Variants in KCNH3 observed in about 807,000 individuals in gnomAD.
KCNH3 encodes the protein voltage-gated inwardly rectifying potassium channel KCNH3.
A neutral mutation model predicts 95.6 loss-of-function variants in KCNH3; 36 were observed. The observed-to-expected ratio is 0.38, with a 90% CI of 0.29 to 0.50. KCNH3 has a LOEUF of 0.50. Ranked by LOEUF, KCNH3 falls within the 20% of genes least tolerant of loss-of-function variation. KCNH3 has a pLI of 0.95. For missense variants in KCNH3, 1,030 were observed against 1,484.1 expected (o/e 0.69, Z 5.03); for synonymous variants, 620 against 646.3 (o/e 0.96, Z 0.62).
intron 10 of KCNH3, among the ~76,000 whole-genome samples, chr12:49,551,574 C>CAAAAAAAAAAAAAAAAAAA (rs59344956): frequency 1.7e-5 from 1 of 57,556 alleles, no homozygotes; most frequent in Non-Finnish European, 3.8e-5. Flanking sequence ...GACTCTGTCT[C>CAAAAAAAAAAAAAAAAAAA]AAAAAAAAAA....
intron 13 of KCNH3, 131 bp from the exon 14 acceptor site, chr12:49,557,052 G>A (rs2138172525): frequency 1.1e-6 from 1 of 896,666 alleles, no homozygotes; most frequent in South Asian, 1.6e-5. Context: ...CTTGGGCAAG[G>A]CCAGAAGAGA....
chr12:49,544,141 T>A, intron 6 of KCNH3, 34 bp from the exon 7 acceptor site: 2 of 1,413,420 alleles, frequency 1.4e-6, no homozygotes, highest in Non-Finnish European at 1.9e-6. Context: ...CCCGCTGACC[T>A]CCCTCCCTCC....
chr12:49,544,196 A>T lies in KCNH3; in HGVS notation c.1003A>T (p.Lys335Ter). The change falls in exon 7 of 15, where the codon AAG becomes TAG. Residue 335 changes from lysine (K) to a stop codon, truncating the protein, a stop_gained. Transcript: ENST00000257981. LOFTEE classifies it high-confidence loss of function. ...VNVYFGAHLLKTVRLLRLLRL... is the reference protein window; with the variant it reads ...VNVYFGAHLL ...TCAGTACTTCGGGGCCCATCTGCTG[A>T]AGACGGTGCGCCTGCTGCGCCTGCT... 1 of 1,434,768 alleles carries T rather than the reference A, an allele frequency of 7.0e-7. No homozygotes were observed. The highest frequency in any genetic ancestry group is 9.3e-7 in the Non-Finnish European group (1 of 1,077,526). The allele number at this position is 1,434,768 out of a possible 1,614,324, so 88.9% of individuals were successfully genotyped here. A position where few individuals can be genotyped will look rare whatever the true frequency, so the allele number is the denominator to read the frequency against.
At chr12:49,543,179 A>T (rs879427864) in intron 4 of KCNH3, 96 bp from the exon 5 acceptor site, 64 of 1,332,056 alleles carry the variant, frequency 4.8e-5, no homozygotes, top group Middle Eastern at 1.8e-4. Flanking sequence ...TAATGCAGGG[A>T]TAGAAAGGAG....
At chr12:49,551,264 TG>T (rs984400642) in intron 10 of KCNH3, among the ~76,000 whole-genome samples, 3 of 151,994 alleles carry the variant, frequency 2.0e-5, no homozygotes, top group African/African-American at 7.2e-5. Context: ...CAGGGAAACA[TG>T]GGGCTGTGTC....
At chr12:49,554,833 C>A (rs1202283304) in intron 11 of KCNH3, among the ~76,000 whole-genome samples, 1 of 152,128 alleles carries the variant, frequency 6.6e-6, no homozygotes, top group East Asian at 1.9e-4. Flanking sequence ...AGTGCTGGCA[C>A]AGGGAGGGGT....
intron 7 of KCNH3, 126 bp downstream of exon 7, chr12:49,544,508 A>AGGGTGTG: frequency 1.1e-6 from 1 of 915,950 alleles, no homozygotes; most frequent in Admixed American, 2.0e-5. Context: ...ATCAGAGAAG[A>AGGGTGTG]GGGTGTGCAG....
At chr12:49,540,342 G>A (rs752293377) in intron 1 of KCNH3, among the ~76,000 whole-genome samples, 62 of 152,136 alleles carry the variant, frequency 4.1e-4, no homozygotes, top group Non-Finnish European at 6.6e-4. Context: ...CCTGGCTCCC[G>A]TGCTCAGTCA....
intron 7 of KCNH3, among the ~76,000 whole-genome samples, chr12:49,544,953 C>A (rs1475343705): frequency 5.3e-5 from 8 of 152,146 alleles, no homozygotes; most frequent in African/African-American, 1.9e-4. Flanking sequence ...TGCTCACCAC[C>A]CACTCACATC....
Position 49,549,422 on chromosome 12 carries a change from T to C in KCNH3, c.1469-19T>C, listed in dbSNP as rs971915320. The C allele has an allele frequency of 1.6e-5, 26 of 1,611,792 alleles. No homozygotes were observed. The highest frequency in any genetic ancestry group is 2.2e-5 in the Non-Finnish European group (26 of 1,178,912). On this transcript the variant is annotated intron_variant, in intron 8 of 14. Coordinates refer to ENST00000257981, the MANE Select transcript of KCNH3 (RefSeq NM_012284.3). Reference sequence around the variant, plus strand: ...GGGCCAGGTCCCCTAGGTGACCCCCTCTCGTCACCCTCCCCCAGCCCTGAT... The same window carrying C: ...GGGCCAGGTCCCCTAGGTGACCCCCCCTCGTCACCCTCCCCCAGCCCTGAT...
Position 49,550,061 on chromosome 12 carries a change from C to CCCCCCGGG in KCNH3, c.1669-19_1669-18insCCCCCGGG. On this transcript the variant is annotated intron_variant, in intron 9 of 14. Transcript: ENST00000257981. ...CTGCCACTCCCAACCCCCCCACCCCCGCACCTGCTCACCTGCAGCTGCTGC... is the reference window on the plus strand; with the variant it reads ...CTGCCACTCCCAACCCCCCCACCCCCCCCCCGGGGCACCTGCTCACCTGCAGCTGCTGC... 1 of 1,556,700 alleles carries CCCCCCGGG rather than the reference C, an allele frequency of 6.4e-7. No individual in the cohort carries two copies. Among genetic ancestry groups the CCCCCCGGG allele is most frequent in the Non-Finnish European group, 8.7e-7 (1 of 1,148,694 alleles).
At chr12:49,556,559 TCAATGTTAGAGAA>T in intron 13 of KCNH3, 83 bp downstream of exon 13, 2 of 994,436 alleles carry the variant, frequency 2.0e-6, no homozygotes, top group Non-Finnish European at 3.2e-6. Flanking sequence ...CTCTGAGCCT[TCAATGTTAGAGAA>T]ACTGGCAGAC....
chr12:49,542,868 AG>A, intron 4 of KCNH3, 29 bp downstream of exon 4: 1 of 1,600,852 alleles, frequency 6.2e-7, no homozygotes, highest in Non-Finnish European at 8.5e-7. Context: ...TGTGTGGGAG[AG>A]GGGAGGGGCA....
intron 7 of KCNH3, 34 bp downstream of exon 7, chr12:49,544,416 G>C (rs751780101): frequency 1.2e-6 from 2 of 1,604,468 alleles, no homozygotes; most frequent in Non-Finnish European, 1.7e-6. Flanking sequence ...TGGTGGGGAG[G>C]GAGTTGTGTC....
chr12:49,546,448 G>A (rs941307637), intron 7 of KCNH3, among the ~76,000 whole-genome samples: 8 of 152,004 alleles, frequency 5.3e-5, no homozygotes, highest in African/African-American at 1.7e-4. Context: ...AGGCTGAGGT[G>A]GGGGGGTGGG....
At chr12:49,554,308 G>GCTT (rs1448024743) in intron 10 of KCNH3, 29 bp from the exon 11 acceptor site, 1 of 1,584,656 alleles carries the variant, frequency 6.3e-7, no homozygotes, top group Non-Finnish European at 8.7e-7. Flanking sequence ...AGCTCTCAGG[G>GCTT]CTTGCTGACC....
intron 2 of KCNH3, 128 bp from the exon 3 acceptor site, chr12:49,541,502 C>G: frequency 2.7e-6 from 3 of 1,122,702 alleles, no homozygotes; most frequent in South Asian, 1.5e-5. Flanking sequence ...ACTGGACTGC[C>G]AGCCCTTCCC....
At chr12:49,556,680 C>G (rs1322099868) in intron 13 of KCNH3, 1 of 699,250 alleles carries the variant, frequency 1.4e-6, no homozygotes, top group Non-Finnish European at 2.6e-6. Flanking sequence ...CAGCCAGGAA[C>G]TGGGTTTATA....
In KCNH3 at chr12:49,550,108, G is replaced by A. The variant is rs1305657101; in HGVS notation, c.1697G>A (p.Arg566His). Residue 566 changes from arginine (R) to histidine (H), a missense_variant, in exon 10 of 15, where the codon CGC (arginine) becomes CAC (histidine). Physicochemically the swap from Arg to His is conservative, Grantham distance 29. Around this residue, in one of 9 missense-constraint regions of KCNH3, gnomAD observed 160 missense variants for 316.2 expected, o/e 0.51. Coordinates refer to ENST00000257981, the MANE Select transcript of KCNH3 (RefSeq NM_012284.3). ...ELLQSLPDEL[R>H]ADIAMHLHKE... is the part of the protein sequence containing the mutation. ...CTGCAGAGCCTCCCTGACGAGCTGC[G>A]CGCAGACATCGCCATGCACCTGCAC... 10 of 1,531,686 alleles carry A rather than the reference G, an allele frequency of 6.5e-6. No homozygotes were observed. Among genetic ancestry groups the A allele is most frequent in the African/African-American group, 1.4e-5 (1 of 72,336 alleles). 94.9% of individuals were successfully genotyped at this position (1,531,686 alleles called of 1,614,324 possible). A position where few individuals can be genotyped will look rare whatever the true frequency, so the allele number is the denominator to read the frequency against.
Sources: allele counts gnomAD v4.1 joint callset (sites outside exome capture counted in the v4.1 genomes callset), GRCh38; gene constraint gnomAD v4.1.1; regional missense constraint gnomAD v4.1.1; transcripts MANE v1.5; gene names NCBI Gene and HGNC (gene_info 2026-07-23, HGNC 2026-07-21).